PPARGC1A: variants seen among roughly 807,000 people sequenced by gnomAD.
The protein encoded by PPARGC1A is PPARG coactivator 1 alpha.
In PPARGC1A, 25 loss-of-function variants were observed where a neutral mutation model predicts 88.7. That is an observed-to-expected ratio of 0.28 (90% CI 0.21 to 0.39). PPARGC1A has a LOEUF of 0.39. PPARGC1A is among the 10% of genes least tolerant of loss of function. PPARGC1A has a pLI of 1.00. For synonymous variants in PPARGC1A, 363 were observed against 355.6 expected, an observed-to-expected ratio of 1.02 and a Z score of -0.24; for missense variants, 880 against 968.7, an observed-to-expected ratio of 0.91 and a Z score of 1.22.
the PPARGC1A span, among the ~76,000 whole-genome samples, chr4:24,134,522 G>A: frequency 6.6e-5 from 10 of 152,212 alleles, no homozygotes; most frequent in African/African-American, 2.4e-4. Context: ...TATTCCAGAT[G>A]TCATGAGAGT....
At chr4:23,884,306 C>A (rs757305052) in intron 2 of PPARGC1A, 30 of 167,338 alleles carry the variant, frequency 1.8e-4, no homozygotes, top group Non-Finnish European at 3.3e-4. Flanking sequence ...ATCAAAAGAG[C>A]TCACCTAATT....
At chr4:24,054,506 G>C in the PPARGC1A span, among the ~76,000 whole-genome samples, 2 of 152,024 alleles carry the variant, frequency 1.3e-5, no homozygotes, top group African/African-American at 4.8e-5. Context: ...TCTTCTCTTT[G>C]TCACTAATCT....
At chr4:24,228,950 G>A in the PPARGC1A span, among the ~76,000 whole-genome samples, 47 of 152,012 alleles carry the variant, frequency 3.1e-4, no homozygotes, top group Admixed American at 2.6e-3. Context: ...TCCAACCCCC[G>A]GGGTTCTGAG....
At chr4:23,849,317 T>G (rs1728862641) in intron 2 of PPARGC1A, among the ~76,000 whole-genome samples, 1 of 152,232 alleles carries the variant, frequency 6.6e-6, no homozygotes. Context: ...GAACATAACT[T>G]AAGAAGGAAC....
the PPARGC1A span, among the ~76,000 whole-genome samples, chr4:23,955,039 CT>C: frequency 1.3e-5 from 2 of 152,000 alleles, no homozygotes; most frequent in East Asian, 3.9e-4. Context: ...TTCAATTTTT[CT>C]TCAAACTCTT....
chr4:24,393,696 T>C, the PPARGC1A span, among the ~76,000 whole-genome samples: 1 of 152,224 alleles, frequency 6.6e-6, no homozygotes, highest in Non-Finnish European at 1.5e-5. Flanking sequence ...CCCATTTCTG[T>C]CGTCAGTACC....
chr4:24,089,505 C>T, the PPARGC1A span, among the ~76,000 whole-genome samples: 8,528 of 73,328 alleles, frequency 0.12, 610 homozygotes, highest in East Asian at 0.25. Context: ...CTTTTCTTTT[C>T]TTTTCTTTCT....
chr4:24,075,202 T>A, the PPARGC1A span, among the ~76,000 whole-genome samples: 2 of 152,102 alleles, frequency 1.3e-5, no homozygotes, highest in African/African-American at 4.8e-5. Context: ...AGTGGAGTGT[T>A]TTCTAAAAAC....
the PPARGC1A span, among the ~76,000 whole-genome samples, chr4:24,227,603 C>G: frequency 6.6e-6 from 1 of 152,248 alleles, no homozygotes; most frequent in South Asian, 2.1e-4. Flanking sequence ...GACATAAAAA[C>G]AGAAATCATT....
the PPARGC1A span, among the ~76,000 whole-genome samples, chr4:23,930,498 T>C: frequency 3.9e-5 from 6 of 152,074 alleles, no homozygotes; most frequent in Non-Finnish European, 5.9e-5. Flanking sequence ...ACAACAATGA[T>C]GACAAAGGTA....
the PPARGC1A span, among the ~76,000 whole-genome samples, chr4:23,938,163 T>TA: frequency 6.5e-4 from 98 of 151,818 alleles, 1 homozygote; most frequent in South Asian, 4.2e-3. Flanking sequence ...GGAAAACCAG[T>TA]AAAAAAAATT....
At chr4:23,997,172 A>C in the PPARGC1A span, among the ~76,000 whole-genome samples, 2 of 152,194 alleles carry the variant, frequency 1.3e-5, no homozygotes, top group African/African-American at 4.8e-5. Context: ...AACAATCACC[A>C]ATGTGCCATT....
At chr4:24,129,480 A>T in the PPARGC1A span, among the ~76,000 whole-genome samples, 3 of 152,168 alleles carry the variant, frequency 2.0e-5, no homozygotes, top group Non-Finnish European at 4.4e-5. Context: ...GCTGTTTTGG[A>T]GAGGGTCAAA....
the PPARGC1A span, among the ~76,000 whole-genome samples, chr4:24,070,467 T>C: frequency 1.3e-5 from 2 of 152,130 alleles, no homozygotes; most frequent in Non-Finnish European, 1.5e-5. Context: ...AAATGGGGTA[T>C]TAGAGTGAAA....
chr4:24,121,695 G>T, the PPARGC1A span, among the ~76,000 whole-genome samples: 1 of 152,180 alleles, frequency 6.6e-6, no homozygotes, highest in Non-Finnish European at 1.5e-5. Context: ...CCTCTCTGCA[G>T]CCTTACGTGG....
chr4:24,421,435 C>G, the PPARGC1A span, among the ~76,000 whole-genome samples: 1 of 151,834 alleles, frequency 6.6e-6, no homozygotes, highest in South Asian at 2.1e-4. Flanking sequence ...CTCAGCCTCC[C>G]GAGTAGCTGG....
At chr4:24,186,165 G>C in the PPARGC1A span, among the ~76,000 whole-genome samples, 1 of 152,040 alleles carries the variant, frequency 6.6e-6, no homozygotes, top group African/African-American at 2.4e-5. Context: ...CACAGAGAGG[G>C]TGGGCAAAAG....
At chr4:24,130,116 TG>T in the PPARGC1A span, among the ~76,000 whole-genome samples, 3 of 152,118 alleles carry the variant, frequency 2.0e-5, no homozygotes, top group Non-Finnish European at 2.9e-5. Context: ...ACCTGCACGT[TG>T]TGCACATGTA....
chr4:23,947,993 T>C, the PPARGC1A span, among the ~76,000 whole-genome samples: 1 of 152,298 alleles, frequency 6.6e-6, no homozygotes, highest in African/African-American at 2.4e-5. Context: ...AAGAGCTTTC[T>C]TATTGTGCCA....
Sources: allele counts gnomAD v4.1 joint callset (sites outside exome capture counted in the v4.1 genomes callset), GRCh38; gene constraint gnomAD v4.1.1; transcripts MANE v1.5; gene names NCBI Gene and HGNC (gene_info 2026-07-23, HGNC 2026-07-21).